The following DPP10 variants were observed in gnomAD, a reference collection of about 807,000 sequenced individuals.
The protein encoded by DPP10 is dipeptidyl peptidase like 10.
Under a neutral mutation model 120.9 loss-of-function variants are expected in DPP10, and 33 were observed. The ratio of observed to expected loss-of-function variants is 0.27; its 90% CI spans 0.21 to 0.37. DPP10 has a LOEUF of 0.37. Among genes scored for constraint, DPP10 ranks in the 10% least tolerant of loss-of-function variants. The pLI, the probability that DPP10 is intolerant of heterozygous loss-of-function variation, is 1.00. For synonymous variants in DPP10, 337 were observed against 326.1 expected, an observed-to-expected ratio of 1.03 and a Z score of -0.36; for missense variants, 816 against 942.8, an observed-to-expected ratio of 0.87 and a Z score of 1.76.
intron 4 of DPP10, among the ~76,000 whole-genome samples, chr2:115,519,209 GT>G (rs2077662982): frequency 6.6e-6 from 1 of 151,940 alleles, no homozygotes; most frequent in South Asian, 2.1e-4. Context: ...CTTTTTAAAT[GT>G]TTTAGTGTAT....
At chr2:114,477,335 G>A (rs959050426) in intron 1 of DPP10, among the ~76,000 whole-genome samples, 14 of 151,936 alleles carry the variant, frequency 9.2e-5, no homozygotes, top group African/African-American at 3.4e-4. Flanking sequence ...GTACTTTTGG[G>A]TGTACTTGTG....
At chr2:114,856,647 A>C (rs1689393436) in intron 1 of DPP10, among the ~76,000 whole-genome samples, 1 of 152,204 alleles carries the variant, frequency 6.6e-6, no homozygotes, top group Non-Finnish European at 1.5e-5. Flanking sequence ...TAGCTGCATA[A>C]ATTTCCACAT....
chr2:114,880,288 C>A (rs925995641), intron 1 of DPP10, among the ~76,000 whole-genome samples: 1 of 152,126 alleles, frequency 6.6e-6, no homozygotes, highest in Non-Finnish European at 1.5e-5. Flanking sequence ...AGAATATTGC[C>A]TCATTAACAA....
chr2:115,432,367 G>A (rs2104784566), intron 3 of DPP10, among the ~76,000 whole-genome samples: 1 of 152,140 alleles, frequency 6.6e-6, no homozygotes, highest in East Asian at 1.9e-4. Flanking sequence ...AAATGTGGGA[G>A]ATATTCATGA....
At chr2:114,567,898 A>G (rs1018466974) in intron 1 of DPP10, among the ~76,000 whole-genome samples, 4 of 152,084 alleles carry the variant, frequency 2.6e-5, no homozygotes, top group African/African-American at 9.7e-5. Context: ...ATCAGGAAAA[A>G]TAGCTAATGC....
At chr2:115,312,376 G>A (rs564685417) in intron 2 of DPP10, among the ~76,000 whole-genome samples, 4 of 152,182 alleles carry the variant, frequency 2.6e-5, no homozygotes, top group Non-Finnish European at 2.9e-5. Context: ...TGGCCTTTAC[G>A]GTGGGCTCAA....
Position 114,606,941 on chromosome 2 carries a change from G to A in DPP10, c.60+164103G>A, listed in dbSNP as rs74856828. Among the ~76,000 whole-genome samples, 720 of 152,178 alleles carry A rather than the reference G, an allele frequency of 4.7e-3. 5 individuals carry two copies. Among genetic ancestry groups the A allele is most frequent in the African/African-American group, 0.016 (657 of 41,516 alleles). ...ATAATCATGACTTCTCTATTTCCCC[G>A]CCTGGGATATTCAAGGAGAGAGTGC... On this transcript the variant is annotated intron_variant, in intron 1 of 25. Coordinates refer to ENST00000410059, the MANE Select transcript of DPP10 (RefSeq NM_020868.6).
chr2:114,768,333 G>T (rs1396925179), intron 1 of DPP10, among the ~76,000 whole-genome samples: 1 of 152,082 alleles, frequency 6.6e-6, no homozygotes, highest in African/African-American at 2.4e-5. Context: ...AGTTAAATGA[G>T]AATGGTGAGT....
intron 1 of DPP10, among the ~76,000 whole-genome samples, chr2:114,716,034 A>G (rs891766922): frequency 1.3e-5 from 2 of 151,970 alleles, no homozygotes; most frequent in Non-Finnish European, 2.9e-5. Context: ...CAAAATTTCT[A>G]AAGGAAATGA....
intron 1 of DPP10, among the ~76,000 whole-genome samples, chr2:114,932,901 G>A (rs559772465): frequency 3.9e-4 from 60 of 152,194 alleles, no homozygotes; most frequent in Admixed American, 7.2e-4. Flanking sequence ...ACTACTTTAA[G>A]CTTCCATCAC....
At chr2:115,491,024 A>AGTTCAAGTGAG (rs1336697562) in intron 3 of DPP10, among the ~76,000 whole-genome samples, 7 of 152,134 alleles carry the variant, frequency 4.6e-5, no homozygotes, top group Admixed American at 3.3e-4. Flanking sequence ...AGGCTGAGGC[A>AGTTCAAGTGAG]GCAGGATCAC....
intron 5 of DPP10, among the ~76,000 whole-genome samples, chr2:115,605,911 G>T (rs979789888): frequency 6.6e-6 from 1 of 152,000 alleles, no homozygotes; most frequent in African/African-American, 2.4e-5. Flanking sequence ...GATTCACAAA[G>T]AAATCCAAAC....
At chr2:115,680,598 A>C (rs2149471946) in intron 5 of DPP10, among the ~76,000 whole-genome samples, 1 of 152,116 alleles carries the variant, frequency 6.6e-6, no homozygotes, top group Non-Finnish European at 1.5e-5. Flanking sequence ...AAGAGATCAT[A>C]AATTTTAAAA....
intron 1 of DPP10, among the ~76,000 whole-genome samples, chr2:114,918,911 T>C (rs1002382358): frequency 6.6e-6 from 1 of 150,912 alleles, no homozygotes; most frequent in Non-Finnish European, 1.5e-5. Context: ...AACTTACCTA[T>C]GTAGCAAACG....
At chr2:115,515,977 CT>C (rs1232013822) in intron 4 of DPP10, among the ~76,000 whole-genome samples, 1 of 152,054 alleles carries the variant, frequency 6.6e-6, no homozygotes, top group African/African-American at 2.4e-5. Flanking sequence ...ATGCATAAAA[CT>C]GATTTATCTT....
chr2:114,523,431 T>G (rs977310643), intron 1 of DPP10, among the ~76,000 whole-genome samples: 2 of 152,220 alleles, frequency 1.3e-5, no homozygotes, highest in African/African-American at 4.8e-5. Flanking sequence ...TGCATCAGTC[T>G]GTGAAAGCGA....
chr2:115,840,254 C>T lies in DPP10; in HGVS notation c.2183-496C>T, dbSNP rs568474012. 1.9e-4 allele frequency among the ~76,000 whole-genome samples: 27 copies of T among 139,888 alleles called. No homozygotes were observed. In the Middle Eastern group the frequency reaches 0.011, roughly 56 times the overall value. The allele number at this position is 139,888 out of a possible 152,430, so 91.8% of individuals were successfully genotyped here. A position where few individuals can be genotyped will look rare whatever the true frequency, so the allele number is the denominator to read the frequency against. ...CTTTTTTGTTTAATAGAGTGAAGCT[C>T]AAAGTTTTACCATTGTATTTGTATT... On this transcript the variant is annotated intron_variant, in intron 24 of 25. Transcript: ENST00000410059.
chr2:114,573,550 G>A (rs899362527), intron 1 of DPP10, among the ~76,000 whole-genome samples: 2 of 152,168 alleles, frequency 1.3e-5, no homozygotes, highest in Non-Finnish European at 2.9e-5. Context: ...ATCAAACGAC[G>A]AAGCAGAAGA....
chr2:115,590,522 A>G (rs1262130298), intron 5 of DPP10, among the ~76,000 whole-genome samples: 2 of 152,208 alleles, frequency 1.3e-5, no homozygotes, highest in African/African-American at 2.4e-5. Context: ...GCTGCGTAGT[A>G]TTCCATGGTG....
Sources: gnomAD v4.1 joint callset for allele counts (sites outside exome capture counted in the v4.1 genomes callset) on GRCh38, gnomAD v4.1.1 for gene constraint, MANE v1.5 for transcripts, NCBI Gene and HGNC (gene_info 2026-07-23, HGNC 2026-07-21) for gene names.